SUMF1: variants seen among roughly 807,000 people sequenced by gnomAD.
SUMF1 encodes sulfatase modifying factor 1.
SUMF1 carries 48 observed loss-of-function variants against 47.6 expected under a neutral mutation model. That is an observed-to-expected ratio of 1.01 (90% CI 0.80 to 1.28). The LOEUF (loss-of-function observed/expected upper bound fraction) is 1.28, where lower values mean the gene tolerates loss of function less well. SUMF1 is among the 50% of genes most tolerant of loss of function. The pLI is 0.00. For missense variants in SUMF1, 571 were observed against 485.4 expected (o/e 1.18, Z -1.66); for synonymous variants, 230 against 192.1 (o/e 1.20, Z -1.63).
intron 1 of SUMF1, among the ~76,000 whole-genome samples, chr3:4,456,142 G>A (rs1703153364): frequency 6.6e-6 from 1 of 152,126 alleles, no homozygotes; most frequent in East Asian, 1.9e-4. Flanking sequence ...CTCAATATAT[G>A]CAAAGGCATT....
At chr3:4,318,125 T>C (rs2125112632) in intron 8 of SUMF1, among the ~76,000 whole-genome samples, 1 of 151,206 alleles carries the variant, frequency 6.6e-6, no homozygotes, top group East Asian at 1.9e-4. Context: ...AAAGAAGACA[T>C]GGATACCATA....
intron 8 of SUMF1, among the ~76,000 whole-genome samples, chr3:4,118,803 A>G (rs1211228002): frequency 6.6e-6 from 1 of 152,102 alleles, no homozygotes; most frequent in Admixed American, 6.6e-5. Context: ...CAAGAGCTCA[A>G]CATCACCACT....
intron 8 of SUMF1, among the ~76,000 whole-genome samples, chr3:4,342,410 G>A (rs1040495958): frequency 2.6e-5 from 4 of 152,212 alleles, no homozygotes; most frequent in Non-Finnish European, 5.9e-5. Context: ...GCACATGCCT[G>A]TAGTCCCAGC....
chr3:4,409,080 G>A (rs1216733713), intron 7 of SUMF1, among the ~76,000 whole-genome samples: 3 of 152,142 alleles, frequency 2.0e-5, no homozygotes, highest in African/African-American at 7.2e-5. Context: ...GACCTCATGT[G>A]ACTTGCTCTC....
intron 9 of SUMF1, among the ~76,000 whole-genome samples, chr3:4,057,053 A>G (rs1695204988): frequency 6.6e-6 from 1 of 152,158 alleles, no homozygotes; most frequent in Non-Finnish European, 1.5e-5. Flanking sequence ...GCCGTGATCC[A>G]TAATTTTTAC....
chr3:4,384,782 A>G (rs1000454253), intron 7 of SUMF1, among the ~76,000 whole-genome samples: 4 of 152,134 alleles, frequency 2.6e-5, no homozygotes, highest in Non-Finnish European at 4.4e-5. Flanking sequence ...ACGAATAAAG[A>G]TGCTATGTAC....
At chr3:4,205,567 G>C (rs760476363) in intron 8 of SUMF1, among the ~76,000 whole-genome samples, 2 of 152,156 alleles carry the variant, frequency 1.3e-5, no homozygotes, top group Non-Finnish European at 2.9e-5. Context: ...TCTTAAGAAA[G>C]CTTTCTAAGT....
At chr3:4,362,329 T>A in intron 8 of SUMF1, 75 bp from the exon 9 acceptor site, 1 of 1,227,708 alleles carries the variant, frequency 8.1e-7, no homozygotes, top group East Asian at 2.4e-5. Context: ...AGATGCATAT[T>A]GCACCGGCTG....
intron 8 of SUMF1, among the ~76,000 whole-genome samples, chr3:4,192,218 G>A (rs1695329903): frequency 6.6e-6 from 1 of 152,182 alleles, no homozygotes; most frequent in Admixed American, 6.6e-5. Flanking sequence ...AGTGTTATAG[G>A]AGGAGCTTGA....
chr3:4,248,236 C>A (rs1696713342), intron 8 of SUMF1, among the ~76,000 whole-genome samples: 1 of 152,150 alleles, frequency 6.6e-6, no homozygotes, highest in African/African-American at 2.4e-5. Flanking sequence ...ATTGCTCAAC[C>A]TCAACATTCA....
At chr3:4,383,378 C>CA (rs1700572263) in intron 7 of SUMF1, among the ~76,000 whole-genome samples, 1 of 151,744 alleles carries the variant, frequency 6.6e-6, no homozygotes, top group Non-Finnish European at 1.5e-5. Flanking sequence ...GATTCCAACT[C>CA]AAAAATAAAT....
chr3:4,308,177 A>G (rs1019628520), intron 8 of SUMF1, among the ~76,000 whole-genome samples: 9 of 152,240 alleles, frequency 5.9e-5, no homozygotes, highest in African/African-American at 2.2e-4. Flanking sequence ...ACTCAAATGG[A>G]GAAGTAATGG....
intron 8 of SUMF1, among the ~76,000 whole-genome samples, chr3:4,114,404 C>T (rs767836371): frequency 2.0e-5 from 3 of 152,100 alleles, no homozygotes; most frequent in Admixed American, 6.5e-5. Flanking sequence ...TAATTCCCCA[C>T]ATTTAAGGCA....
At chr3:4,456,878 ATGTGTGTG>A (rs1279620939) in intron 1 of SUMF1, among the ~76,000 whole-genome samples, 1 of 41,552 alleles carries the variant, frequency 2.4e-5, no homozygotes, top group African/African-American at 9.1e-5. Flanking sequence ...GTATATCTAT[ATGTGTGTG>A]TATATATATG....
intron 8 of SUMF1, among the ~76,000 whole-genome samples, chr3:4,142,341 A>C (rs1694090121): frequency 6.6e-6 from 1 of 152,144 alleles, no homozygotes; most frequent in South Asian, 2.1e-4. Flanking sequence ...AAGCTGAGAG[A>C]CATTTGACAC....
chr3:4,316,299 C>A, intron 8 of SUMF1: 1 of 1,083,000 alleles, frequency 9.2e-7, no homozygotes, highest in Non-Finnish European at 1.4e-6. Context: ...AGAAACAACT[C>A]GCAACATCAA....
chr3:4,330,287 C>A (rs764189238), intron 8 of SUMF1, among the ~76,000 whole-genome samples: 15 of 152,194 alleles, frequency 9.9e-5, no homozygotes, highest in Admixed American at 9.8e-4. Context: ...CCCCACTCTA[C>A]CAGTACCAAT....
intron 8 of SUMF1, among the ~76,000 whole-genome samples, chr3:4,240,229 C>CT (rs563479243): frequency 3.3e-5 from 5 of 151,800 alleles, no homozygotes; most frequent in East Asian, 3.9e-4. Context: ...CTGAAATATT[C>CT]TTTTTTTTGT....
At chr3:4,223,128 C>T (rs912147974) in intron 8 of SUMF1, among the ~76,000 whole-genome samples, 1 of 152,032 alleles carries the variant, frequency 6.6e-6, no homozygotes, top group Non-Finnish European at 1.5e-5. Context: ...AAAAAAAATA[C>T]CTGACAAATA....
Sources: allele counts gnomAD v4.1 joint callset (sites outside exome capture counted in the v4.1 genomes callset), GRCh38; gene constraint gnomAD v4.1.1; transcripts MANE v1.5; gene names NCBI Gene and HGNC (gene_info 2026-07-23, HGNC 2026-07-21).